SYNJ2BP: variants seen among roughly 807,000 people sequenced by gnomAD.
SYNJ2BP encodes synaptojanin-2-binding protein.
A neutral mutation model predicts 16.9 loss-of-function variants in SYNJ2BP; 10 were observed. The observed-to-expected ratio is 0.59, with a 90% CI of 0.36 to 1.00. SYNJ2BP has a LOEUF of 1.00. SYNJ2BP is among the 50% of genes least tolerant of loss of function. The pLI is 0.01. For missense variants in SYNJ2BP, 162 were observed against 186.7 expected (o/e 0.87, Z 0.77); for synonymous variants, 54 against 68.4 (o/e 0.79, Z 1.04).
At chr14:70,407,978 A>G (rs12880777) in intron 1 of SYNJ2BP, among the ~76,000 whole-genome samples, 49,095 of 152,122 alleles carry the variant, frequency 0.32, 10,169 homozygotes, top group Non-Finnish European at 0.43. Context: ...ACATACACAA[A>G]GCCCAACTGG....
rs1393467166 is a variant in SYNJ2BP, at chr14:70,367,729, T to A, written c.*5262A>T. On this transcript the variant is annotated 3_prime_UTR_variant, in exon 4 of 4. Transcript: ENST00000256366. ...ACAGCAAAAAAGACTTACACCAAAA[T>A]AGCAACCAACTCTAAAACTATTACA... 1 of 152,102 alleles carries A rather than the reference T, an allele frequency of 6.6e-6. No homozygotes were observed. The allele number at this position is 152,102 out of a possible 1,614,324, so 9.4% of individuals were successfully genotyped here. A position where few individuals can be genotyped will look rare whatever the true frequency, so the allele number is the denominator to read the frequency against.
rs576853615 is a variant in SYNJ2BP at position 70,386,515 on chromosome 14, T to C, written c.201+1955A>G. Among the ~76,000 whole-genome samples the C allele has an allele frequency of 3.3e-5, 5 of 152,336 alleles. No homozygotes were observed. In the South Asian group the frequency reaches 6.2e-4, roughly 19 times the overall value. On this transcript the variant is annotated intron_variant, in intron 2 of 3. Transcript: ENST00000256366. ...TTAGGTGGCTCTAATAGCTACTTGT[T>C]CTGATTTTCTTTCTTTTTGGGGGAC...
At chr14:70,374,786 A>C (rs915575290) in intron 3 of SYNJ2BP, among the ~76,000 whole-genome samples, 1 of 152,114 alleles carries the variant, frequency 6.6e-6, no homozygotes, top group Admixed American at 6.5e-5. Flanking sequence ...CCATCTTTGT[A>C]GTGTTTTATC....
intron 1 of SYNJ2BP, among the ~76,000 whole-genome samples, chr14:70,412,992 T>A (rs1888521981): frequency 6.6e-6 from 1 of 152,150 alleles, no homozygotes; most frequent in South Asian, 2.1e-4. Flanking sequence ...CCTTAGATAC[T>A]ATAATCAAGC....
chr14:70,393,018 A>G (rs1888012438), intron 1 of SYNJ2BP, among the ~76,000 whole-genome samples: 2 of 152,220 alleles, frequency 1.3e-5, no homozygotes, highest in African/African-American at 4.8e-5. Context: ...CAGAGTGGAC[A>G]GGTAACCTAC....
At chr14:70,400,572 T>C (rs76472864) in intron 1 of SYNJ2BP, among the ~76,000 whole-genome samples, 1,953 of 152,324 alleles carry the variant, frequency 0.013, 52 homozygotes, top group African/African-American at 0.044. Context: ...ATTTTGTTTT[T>C]AAGATTAACC....
intron 2 of SYNJ2BP, among the ~76,000 whole-genome samples, chr14:70,381,154 A>G (rs1320040534): frequency 2.0e-5 from 3 of 152,212 alleles, no homozygotes; most frequent in Admixed American, 6.5e-5. Flanking sequence ...TTACCTGCCA[A>G]TGATTCAGTG....
chr14:70,391,316 A>T (rs746295851), intron 1 of SYNJ2BP, among the ~76,000 whole-genome samples: 2 of 152,220 alleles, frequency 1.3e-5, no homozygotes, highest in Non-Finnish European at 2.9e-5. Context: ...TACTTCTGGA[A>T]GATGCTATTT....
chr14:70,398,489 C>T (rs551237795), intron 1 of SYNJ2BP, among the ~76,000 whole-genome samples: 1 of 152,322 alleles, frequency 6.6e-6, no homozygotes, highest in East Asian at 1.9e-4. Context: ...AGGGCTGAGG[C>T]AGCAAGGGGC....
At chr14:70,390,993 C>T (rs1320737788) in intron 1 of SYNJ2BP, among the ~76,000 whole-genome samples, 4 of 151,938 alleles carry the variant, frequency 2.6e-5, no homozygotes, top group African/African-American at 4.8e-5. Flanking sequence ...AAATTAGACA[C>T]GCGTGGTGGC....
At chr14:70,403,630 T>C (rs1888286959) in intron 1 of SYNJ2BP, among the ~76,000 whole-genome samples, 1 of 152,188 alleles carries the variant, frequency 6.6e-6, no homozygotes, top group Non-Finnish European at 1.5e-5. Flanking sequence ...GAAATTACCC[T>C]ATATGGTCTA....
chr14:70,391,722 G>A (rs1405510385), intron 1 of SYNJ2BP, among the ~76,000 whole-genome samples: 1 of 151,894 alleles, frequency 6.6e-6, no homozygotes, highest in African/African-American at 2.4e-5. Context: ...AAAGCTAACT[G>A]TAGAAAAAAA....
At chr14:70,416,237 AAAATAAAT>A (rs759139240) in intron 1 of SYNJ2BP, among the ~76,000 whole-genome samples, 1 of 152,178 alleles carries the variant, frequency 6.6e-6, no homozygotes, top group East Asian at 1.9e-4. Flanking sequence ...GTGTTCATAA[AAAATAAAT>A]AAATAAATAA....
chr14:70,374,960 T>TTA (rs1566614254), intron 3 of SYNJ2BP, among the ~76,000 whole-genome samples: 12 of 102,790 alleles, frequency 1.2e-4, no homozygotes, highest in Admixed American at 2.0e-4. Context: ...TATTATTATT[T>TTA]TTTTAAGAGA....
chr14:70,416,102 A>G (rs768636604), intron 1 of SYNJ2BP, among the ~76,000 whole-genome samples: 1 of 152,178 alleles, frequency 6.6e-6, no homozygotes, highest in Non-Finnish European at 1.5e-5. Flanking sequence ...GATCAACTAA[A>G]TAGTTGTAAA....
rs183539732 is a variant in SYNJ2BP, at chr14:70,397,485, G to C, written c.65-8879C>G. Among the ~76,000 whole-genome samples, 16 of 152,322 alleles carry C rather than the reference G, an allele frequency of 1.1e-4. No individual in the cohort carries two copies. In the East Asian group the frequency reaches 3.1e-3, roughly 29 times the overall value. The stretch of plus-strand genomic sequence containing the variant: ...TGTTTTGTTATGGGAACTTTGGGGT[G>C]TCACTTTTCTGGCAGGAGACCTCTG... On this transcript the variant is annotated intron_variant, in intron 1 of 3. Transcript: ENST00000256366.
chr14:70,398,984 CA>C (rs1888169242), intron 1 of SYNJ2BP, among the ~76,000 whole-genome samples: 1 of 152,128 alleles, frequency 6.6e-6, no homozygotes, highest in Non-Finnish European at 1.5e-5. Context: ...TCCTGGCCAT[CA>C]CAAGTGTCAG....
intron 2 of SYNJ2BP, among the ~76,000 whole-genome samples, chr14:70,381,084 C>A (rs1354828224): frequency 6.6e-6 from 1 of 152,158 alleles, no homozygotes; most frequent in Admixed American, 6.5e-5. Context: ...ATACACAAAG[C>A]CTGACTGACA....
rs1196960564 is a variant in SYNJ2BP, at chr14:70,369,112, T to G, written c.*3879A>C. The G allele has an allele frequency of 2.0e-5, 3 of 151,066 alleles. No homozygotes were observed. Among genetic ancestry groups the G allele is most frequent in the African/African-American group, 7.3e-5 (3 of 40,928 alleles). The allele number at this position is 151,066 out of a possible 1,614,324, so 9.4% of individuals were successfully genotyped here. On this transcript the variant is annotated 3_prime_UTR_variant, in exon 4 of 4. Transcript: ENST00000256366. Reference sequence around the variant, plus strand: ...TTCTGGGAACTTGCTTTTTGTTTTTTGTTTGTTTGTTTTTTTGTTTTTGAG... The same window carrying G: ...TTCTGGGAACTTGCTTTTTGTTTTTGGTTTGTTTGTTTTTTTGTTTTTGAG...
Sources: allele counts gnomAD v4.1 joint callset (sites outside exome capture counted in the v4.1 genomes callset), GRCh38; gene constraint gnomAD v4.1.1; transcripts MANE v1.5; gene names NCBI Gene and HGNC (gene_info 2026-07-23, HGNC 2026-07-21).